The following PARP4 variants were observed in gnomAD, a reference collection of about 807,000 sequenced individuals.
The protein encoded by PARP4 is poly(ADP-ribose) polymerase family member 4.
PARP4 carries 120 observed loss-of-function variants against 187.7 expected under a neutral mutation model. The ratio of observed to expected loss-of-function variants is 0.64; its 90% CI spans 0.55 to 0.74. The LOEUF is 0.74. PARP4 is among the 30% of genes least tolerant of loss of function. The pLI, the probability that PARP4 is intolerant of heterozygous loss-of-function variation, is 0.00. For missense variants in PARP4, 1,836 were observed against 2,070.5 expected, an observed-to-expected ratio of 0.89 and a Z score of 2.20; for synonymous variants, 654 against 740.9, an observed-to-expected ratio of 0.88 and a Z score of 1.90.
At chr13:24,436,849 C>T (rs1023642657) in intron 30 of PARP4, among the ~76,000 whole-genome samples, 3 of 152,046 alleles carry the variant, frequency 2.0e-5, no homozygotes, top group African/African-American at 7.3e-5. Flanking sequence ...AAGGAGTAGT[C>T]CTTTCCCAAC....
chr13:24,501,073 C>A lies in PARP4; in HGVS notation c.334+560G>T, dbSNP rs538133549. On this transcript the variant is annotated intron_variant, in intron 3 of 33. Coordinates refer to ENST00000381989, the MANE Select transcript of PARP4 (RefSeq NM_006437.4). Reference sequence around the variant, plus strand: ...TGGACTATTGTCTAAGGAGGCTCCACCCTGCCAAGTCAGTACGGTATCTAA... The same window carrying A: ...TGGACTATTGTCTAAGGAGGCTCCAACCTGCCAAGTCAGTACGGTATCTAA... Among the ~76,000 whole-genome samples the A allele has an allele frequency of 8.5e-5, 13 of 152,304 alleles. No individual in the cohort carries two copies. The South Asian group carries it at 1.9e-3, about 22-fold the overall frequency.
intron 28 of PARP4, among the ~76,000 whole-genome samples, chr13:24,443,061 AG>A (rs1158651363): frequency 6.6e-6 from 1 of 151,692 alleles, no homozygotes; most frequent in Non-Finnish European, 1.5e-5. Flanking sequence ...GGAGACCACC[AG>A]GTGACCATCT....
chr13:24,424,637 T>TA (rs1042437384), intron 33 of PARP4, among the ~76,000 whole-genome samples: 8 of 152,036 alleles, frequency 5.3e-5, no homozygotes, highest in African/African-American at 1.9e-4. Context: ...AATCCTTAGG[T>TA]ACTATCCCAC....
chr13:24,506,055 T>A (rs1869638561), intron 1 of PARP4, among the ~76,000 whole-genome samples: 1 of 152,226 alleles, frequency 6.6e-6, no homozygotes, highest in African/African-American at 2.4e-5. Context: ...CTGGAATTTG[T>A]GGGTTCTTGG....
chr13:24,446,505 A>G (rs984528200), intron 27 of PARP4, among the ~76,000 whole-genome samples, 176 bp downstream of exon 27: 3 of 152,208 alleles, frequency 2.0e-5, no homozygotes, highest in African/African-American at 7.2e-5. Context: ...AGCTGAAAAC[A>G]AAAACTTGAA....
intron 2 of PARP4, among the ~76,000 whole-genome samples, 156 bp from the exon 3 acceptor site, chr13:24,501,990 G>C (rs542167072): frequency 1.3e-5 from 2 of 152,144 alleles, no homozygotes; most frequent in Non-Finnish European, 2.9e-5. Context: ...ACAGTTTCTA[G>C]TTACATAAAC....
intron 17 of PARP4, among the ~76,000 whole-genome samples, chr13:24,463,597 T>C (rs9511282): frequency 0.51 from 77,368 of 152,010 alleles, 20,023 homozygotes; most frequent in South Asian, 0.65. Context: ...AATTCAACAT[T>C]GCTTTATGTT....
At position 24,462,878 on chromosome 13, in the gene PARP4, G is replaced by C. The variant is rs113915028; in HGVS notation, c.2134-2742C>G. Among the ~76,000 whole-genome samples, 849 of 141,318 alleles carry C rather than the reference G, an allele frequency of 6.0e-3. 9 individuals are homozygous for C. The highest frequency in any genetic ancestry group is 0.021 in the African/African-American group (812 of 38,948). 92.7% of individuals were successfully genotyped at this position (141,318 alleles called of 152,430 possible). ...GCAACAAGAAATGAAAGTGAAAACA[G>C]AGCTCCAAAAGCTGTGGTGCAATAT... On this transcript the variant is annotated intron_variant, in intron 17 of 33. Coordinates refer to ENST00000381989, the MANE Select transcript of PARP4 (RefSeq NM_006437.4).
chr13:24,428,404 G>A (rs1359208850), intron 32 of PARP4, among the ~76,000 whole-genome samples: 1 of 152,168 alleles, frequency 6.6e-6, no homozygotes. Context: ...CCAGAGCCAG[G>A]CTTTAAATAC....
rs758846434 is a variant in PARP4, at chr13:24,493,712, TC to T, written c.762del (p.Met254IlefsTer6). On this transcript the variant is annotated frameshift_variant, in exon 8 of 34. Transcript: ENST00000381989. LOFTEE classifies it high-confidence loss of function. ...ACCTCTTGGCTCAGAGTGCTTGAAT[TC>T]ATGACTTCCTCCAAAAGCAACTACA... ...QLQALLLEEVMNSSTLSQEVS... is the reference protein window; with the variant it reads ...QLQALLLEEVXNSSTLSQEVS... 3.7e-6 allele frequency: 6 copies of T among 1,613,738 alleles called. No homozygotes were observed. The Admixed American group carries it at 1.0e-4, about 27-fold the overall frequency.
chr13:24,486,760 T>C (rs1463909236), intron 10 of PARP4, among the ~76,000 whole-genome samples: 1 of 152,142 alleles, frequency 6.6e-6, no homozygotes, highest in Non-Finnish European at 1.5e-5. Flanking sequence ...GAGACCAGCC[T>C]GGGCAACATG....
chr13:24,482,614 T>C (rs1873337696), intron 12 of PARP4, among the ~76,000 whole-genome samples: 1 of 151,830 alleles, frequency 6.6e-6, no homozygotes, highest in Admixed American at 6.6e-5. Flanking sequence ...ATCGTTAGGA[T>C]TTTTAGTAAT....
At position 24,448,026 on chromosome 13, in the gene PARP4, G is replaced by A. The variant is rs190544382; in HGVS notation, c.3115-840C>T. On this transcript the variant is annotated intron_variant, in intron 25 of 33. Coordinates refer to ENST00000381989, the MANE Select transcript of PARP4 (RefSeq NM_006437.4). ...TTCGAGACCAGCCTAGGCCCATGGC[G>A]AAACACTGTCTCTACAGAAAATTAG... Among the ~76,000 whole-genome samples the A allele has an allele frequency of 7.5e-3, 1,145 of 152,210 alleles. 10 individuals are homozygous for A. Among genetic ancestry groups the A allele is most frequent in the African/African-American group, 0.026 (1,091 of 41,526 alleles).
chr13:24,458,958 A>C, intron 20 of PARP4, 86 bp downstream of exon 20: 1 of 926,322 alleles, frequency 1.1e-6, no homozygotes. Flanking sequence ...GCATTATTTC[A>C]CTTTTCAACC....
chr13:24,439,368 G>A (rs541207202), intron 30 of PARP4, among the ~76,000 whole-genome samples: 158 of 151,758 alleles, frequency 1.0e-3, no homozygotes, highest in Non-Finnish European at 1.9e-3. Flanking sequence ...TGTGCACTAT[G>A]AGAAAATTAG....
chr13:24,451,016 C>T (rs1871488533), intron 24 of PARP4, among the ~76,000 whole-genome samples: 1 of 152,194 alleles, frequency 6.6e-6, no homozygotes. Context: ...GCTGGGACCA[C>T]AGGAGTGAGC....
At chr13:24,424,085 A>G (rs966569840) in intron 33 of PARP4, among the ~76,000 whole-genome samples, 1 of 152,104 alleles carries the variant, frequency 6.6e-6, no homozygotes, top group Non-Finnish European at 1.5e-5. Context: ...TCAGCCTCCT[A>G]AAGTGCTTGG....
intron 1 of PARP4, among the ~76,000 whole-genome samples, chr13:24,509,613 A>C (rs1450163397): frequency 6.6e-6 from 1 of 152,240 alleles, no homozygotes; most frequent in Non-Finnish European, 1.5e-5. Context: ...TTTTGGATAC[A>C]TAATAGTTAC....
chr13:24,427,677 T>G lies in PARP4; in HGVS notation c.4847-1079A>C, dbSNP rs115871091. Among the ~76,000 whole-genome samples the G allele has an allele frequency of 3.9e-3, 600 of 152,318 alleles. 4 individuals are homozygous for G. The highest frequency in any genetic ancestry group is 0.014 in the African/African-American group (562 of 41,588). On this transcript the variant is annotated intron_variant, in intron 32 of 33. Coordinates refer to ENST00000381989, the MANE Select transcript of PARP4 (RefSeq NM_006437.4). Reference sequence around the variant, plus strand: ...CATATACACCATTAATTTTACATCGTTGAGGTAGCCAAAACTGCTCGTAAG... The same window carrying G: ...CATATACACCATTAATTTTACATCGGTGAGGTAGCCAAAACTGCTCGTAAG...
Sources: allele counts gnomAD v4.1 joint callset (sites outside exome capture counted in the v4.1 genomes callset), GRCh38; gene constraint gnomAD v4.1.1; transcripts MANE v1.5; gene names NCBI Gene and HGNC (gene_info 2026-07-23, HGNC 2026-07-21).